The following ZNF280D variants were observed in gnomAD, a reference collection of about 807,000 sequenced individuals.
ZNF280D encodes the protein suppressor of hairy wing homolog 4.
ZNF280D carries 39 observed loss-of-function variants against 94.7 expected under a neutral mutation model. The ratio of observed to expected loss-of-function variants is 0.41; its 90% confidence interval spans 0.32 to 0.54. The LOEUF (loss-of-function observed/expected upper bound fraction) is 0.54, where lower values mean the gene tolerates loss of function less well. ZNF280D is among the 20% of genes least tolerant of loss of function. ZNF280D has a pLI of 0.22. For synonymous variants in ZNF280D, 398 were observed against 377.6 expected, an observed-to-expected ratio of 1.05 and a Z score of -0.63; for missense variants, 1,090 against 1,149.3, an observed-to-expected ratio of 0.95 and a Z score of 0.75.
At chr15:56,715,123 T>C (rs779980317) in intron 1 of ZNF280D, among the ~76,000 whole-genome samples, 2 of 152,138 alleles carry the variant, frequency 1.3e-5, no homozygotes, top group Non-Finnish European at 2.9e-5. Flanking sequence ...AGACAGTGCA[T>C]CAAATTCTCA....
chr15:56,648,250 A>T (rs1191657920), intron 19 of ZNF280D, among the ~76,000 whole-genome samples: 1 of 152,036 alleles, frequency 6.6e-6, no homozygotes, highest in Non-Finnish European at 1.5e-5. Flanking sequence ...CTACTAAAAG[A>T]CCAGTTTATA....
intron 1 of ZNF280D, among the ~76,000 whole-genome samples, chr15:56,711,697 G>T (rs1339964984): frequency 6.6e-6 from 1 of 152,076 alleles, no homozygotes; most frequent in African/African-American, 2.4e-5. Context: ...TCCCAATTCT[G>T]TTATACTGGA....
chr15:56,654,151 G>A, intron 19 of ZNF280D, 47 bp downstream of exon 19: 2 of 1,586,372 alleles, frequency 1.3e-6, no homozygotes, highest in South Asian at 2.4e-5. Context: ...ATGCAATAGT[G>A]CTAAAATCCA....
intron 1 of ZNF280D, among the ~76,000 whole-genome samples, chr15:56,727,745 T>C (rs2058695735): frequency 6.6e-6 from 1 of 152,188 alleles, no homozygotes; most frequent in African/African-American, 2.4e-5. Flanking sequence ...AACACAAAGA[T>C]AGACAGCAGC....
In ZNF280D at chr15:56,646,661, T is replaced by C. The variant is rs780121847; in HGVS notation, c.2214-3664A>G. ...TACATATTTCAGGGATTGTACTAAG[T>C]GTTCCAGTCCAAAGTTAAAAAAGAC... On this transcript the variant is annotated intron_variant, in intron 19 of 21. Coordinates refer to ENST00000267807, the MANE Select transcript of ZNF280D (RefSeq NM_017661.4). Among the ~76,000 whole-genome samples, 212 of 152,206 alleles carry C rather than the reference T, an allele frequency of 1.4e-3. 5 individuals carry two copies. The highest frequency in any genetic ancestry group is 5.1e-4 in the Non-Finnish European group (35 of 68,034).
rs1387221480 is a variant in ZNF280D at position 56,689,041 on chromosome 15, C to T, written c.780G>A (p.Lys260=). 1 of 1,587,322 alleles carries T rather than the reference C, an allele frequency of 6.3e-7. No homozygotes were observed. The highest frequency in any genetic ancestry group is 1.2e-5 in the South Asian group (1 of 85,702). The part of the protein sequence containing the change: ...NLLDPLKNHM[K]YCCPDMINNF... The stretch of plus-strand genomic sequence containing the variant: ...AAATTAAATTTTGAAAGAGTTTTAC[C>T]TTCATGTGATTTTTCAAAGGATCCA... The change falls in exon 9 of 22, where the codon AAG becomes AAA. Residue 260 remains lysine, a splice_region_variant and synonymous_variant. Transcript: ENST00000267807.
chr15:56,702,748 C>T (rs2057157186), intron 4 of ZNF280D, among the ~76,000 whole-genome samples: 1 of 151,984 alleles, frequency 6.6e-6, no homozygotes, highest in Non-Finnish European at 1.5e-5. Context: ...GACCAATGTG[C>T]CCCAGGAAAC....
chr15:56,652,703 C>T (rs539563580), intron 19 of ZNF280D: 26 of 985,250 alleles, frequency 2.6e-5, no homozygotes, highest in African/African-American at 2.1e-4. Flanking sequence ...CGCACAAATA[C>T]GTAACTTTAA....
chr15:56,689,898 A>G (rs1384106463), intron 7 of ZNF280D, among the ~76,000 whole-genome samples: 2 of 152,160 alleles, frequency 1.3e-5, no homozygotes, highest in Non-Finnish European at 2.9e-5. Flanking sequence ...AAATTTAGAG[A>G]TACTCTTAAG....
intron 9 of ZNF280D, among the ~76,000 whole-genome samples, chr15:56,684,984 T>G (rs75503289): frequency 1.3e-5 from 2 of 152,184 alleles, no homozygotes; most frequent in African/African-American, 4.8e-5. Context: ...AGCTACAGAC[T>G]GCCAAACAAG....
intron 13 of ZNF280D, among the ~76,000 whole-genome samples, chr15:56,669,936 TTATA>T (rs1555407587): frequency 5.1e-4 from 2 of 3,928 alleles, no homozygotes; most frequent in African/African-American, 2.2e-3. Context: ...TATATATATA[TTATA>T]TATATATATT....
intron 13 of ZNF280D, among the ~76,000 whole-genome samples, chr15:56,675,432 A>G (rs1294742593): frequency 2.7e-5 from 4 of 146,712 alleles, no homozygotes; most frequent in South Asian, 2.2e-4. Context: ...TGATGAAGAT[A>G]CTTTTTTTTT....
At chr15:56,673,647 G>A (rs954865385) in intron 13 of ZNF280D, among the ~76,000 whole-genome samples, 1 of 151,886 alleles carries the variant, frequency 6.6e-6, no homozygotes, top group Non-Finnish European at 1.5e-5. Context: ...CTTGGCTGTG[G>A]CTTACAAAGC....
At chr15:56,651,144 T>C (rs2053180773) in intron 19 of ZNF280D, among the ~76,000 whole-genome samples, 2 of 152,216 alleles carry the variant, frequency 1.3e-5, no homozygotes, top group Admixed American at 6.5e-5. Context: ...AAATATTCGC[T>C]GAATAAATAC....
At chr15:56,667,533 C>G (rs1040520026) in intron 14 of ZNF280D, among the ~76,000 whole-genome samples, 3 of 152,078 alleles carry the variant, frequency 2.0e-5, no homozygotes, top group South Asian at 2.1e-4. Flanking sequence ...TCAGAAATTT[C>G]TTAAAGTAAA....
chr15:56,700,712 G>C, intron 6 of ZNF280D: 1 of 1,445,938 alleles, frequency 6.9e-7, no homozygotes, highest in Non-Finnish European at 9.1e-7. Context: ...ACCTATTTAG[G>C]CATACTGCCT....
chr15:56,655,405 A>G (rs1245867543), intron 17 of ZNF280D, among the ~76,000 whole-genome samples: 5 of 150,688 alleles, frequency 3.3e-5, no homozygotes, highest in South Asian at 4.2e-4. Context: ...ACGGGGTTTC[A>G]CCATGTTGGT....
intron 6 of ZNF280D, among the ~76,000 whole-genome samples, chr15:56,695,581 G>A (rs2056699297): frequency 6.7e-6 from 1 of 150,248 alleles, no homozygotes; most frequent in African/African-American, 2.5e-5. Context: ...CCAGGCTGGA[G>A]TGCAGTGGTG....
chr15:56,706,776 A>G (rs1480778550), intron 3 of ZNF280D, among the ~76,000 whole-genome samples: 1 of 152,170 alleles, frequency 6.6e-6, no homozygotes, highest in Non-Finnish European at 1.5e-5. Context: ...GAAAAAAAAA[A>G]TTTAAGACAT....
Sources: allele counts gnomAD v4.1 joint callset (sites outside exome capture counted in the v4.1 genomes callset), GRCh38; gene constraint gnomAD v4.1.1; transcripts MANE v1.5; gene names NCBI Gene and HGNC (gene_info 2026-07-23, HGNC 2026-07-21).